The following SMU1 variants were observed in gnomAD, a reference collection of about 807,000 sequenced individuals.
The protein encoded by SMU1 is SMU1 DNA replication regulator and spliceosomal factor, also known as WD40 repeat-containing protein SMU1.
In SMU1, 2 loss-of-function variants were observed where a neutral mutation model predicts 62.0. The observed-to-expected ratio is 0.03, with a 90% CI of 0.01 to 0.10. The LOEUF (loss-of-function observed/expected upper bound fraction) is 0.10. SMU1 is among the 10% of genes least tolerant of loss of function. The pLI, the probability that SMU1 is intolerant of heterozygous loss-of-function variation, is 1.00. For missense variants in SMU1, 227 were observed against 622.1 expected, an observed-to-expected ratio of 0.36 and a Z score of 6.76; for synonymous variants, 188 against 212.4, an observed-to-expected ratio of 0.89 and a Z score of 1.00.
intron 10 of SMU1, among the ~76,000 whole-genome samples, chr9:33,049,764 CCA>C (rs61036431): frequency 1.2e-3 from 173 of 148,340 alleles, no homozygotes; most frequent in African/African-American, 2.8e-3. Context: ...GACCCCATTT[CCA>C]CACACACACA....
chr9:33,075,302 G>C lies in SMU1; in HGVS notation c.26+1281C>G, dbSNP rs560450748. ...TGAGGCAGGAGAATGGCGTGAACGT[G>C]GGAGGCGGTGCTTGCAGTGAGCGGA... On this transcript the variant is annotated intron_variant, in intron 1 of 11. Transcript: ENST00000397149. Among the ~76,000 whole-genome samples the C allele has an allele frequency of 8.3e-4, 127 of 152,298 alleles. 1 individual carries two copies. Among genetic ancestry groups the C allele is most frequent in the Non-Finnish European group, 1.6e-3 (106 of 68,010 alleles).
At position 33,047,426 on chromosome 9, in the gene SMU1, G is replaced by A. The variant is rs1296948746; in HGVS notation, c.1444-35C>T. On this transcript the variant is annotated intron_variant, in intron 11 of 11. Transcript: ENST00000397149. Reference sequence around the variant, plus strand: ...GTAAAGCACAGGGTTAGGATGTACAGATCTGCAATAAATCACTCTGATGAG... The same window carrying A: ...GTAAAGCACAGGGTTAGGATGTACAAATCTGCAATAAATCACTCTGATGAG... The A allele has an allele frequency of 3.2e-6, 5 of 1,567,436 alleles. No homozygotes were observed. The African/African-American group carries it at 5.4e-5, about 17-fold the overall frequency.
chr9:33,060,657 T>C, intron 5 of SMU1, 73 bp from the exon 6 acceptor site: 3 of 1,582,886 alleles, frequency 1.9e-6, no homozygotes, highest in Non-Finnish European at 2.6e-6. Flanking sequence ...TTTTAACCTT[T>C]TGAGAAACCC....
At chr9:33,049,808 C>T (rs1424751116) in intron 10 of SMU1, among the ~76,000 whole-genome samples, 2 of 141,158 alleles carry the variant, frequency 1.4e-5, no homozygotes, top group African/African-American at 2.6e-5. Flanking sequence ...CATGGTGGCA[C>T]GTGCCTGTAG....
At chr9:33,064,654 A>AT (rs1270502230) in intron 4 of SMU1, among the ~76,000 whole-genome samples, 2 of 152,148 alleles carry the variant, frequency 1.3e-5, no homozygotes, top group African/African-American at 4.8e-5. Flanking sequence ...GATGCAAATT[A>AT]TAGGTCTTTA....
chr9:33,076,333 C>A (rs1839545514), intron 1 of SMU1, among the ~76,000 whole-genome samples: 2 of 152,216 alleles, frequency 1.3e-5, no homozygotes, highest in Admixed American at 1.3e-4. Context: ...AAGGACAGAA[C>A]TTAGGTCTGC....
intron 4 of SMU1, among the ~76,000 whole-genome samples, chr9:33,065,129 T>A (rs982483170): frequency 2.6e-5 from 4 of 152,174 alleles, no homozygotes; most frequent in Non-Finnish European, 1.5e-5. Context: ...AATCTATAAT[T>A]TTAGCCAAAA....
intron 7 of SMU1, 86 bp downstream of exon 7, chr9:33,057,512 T>C: frequency 6.7e-7 from 1 of 1,490,210 alleles, no homozygotes; most frequent in Middle Eastern, 2.4e-4. Flanking sequence ...TAGCTATTAT[T>C]ATGCTGAATA....
At chr9:33,070,510 GATC>G (rs1377912148) in intron 3 of SMU1, among the ~76,000 whole-genome samples, 2 of 152,228 alleles carry the variant, frequency 1.3e-5, no homozygotes, top group African/African-American at 4.8e-5. Flanking sequence ...GGTACCATAT[GATC>G]CAGCAATCCC....
chr9:33,076,566 C>G lies in SMU1; in HGVS notation c.26+17G>C. 1 of 1,613,704 alleles carries G rather than the reference C, an allele frequency of 6.2e-7. No homozygotes were observed. Among genetic ancestry groups the G allele is most frequent in the Non-Finnish European group, 8.5e-7 (1 of 1,180,028 alleles). The stretch of plus-strand genomic sequence containing the variant: ...AGGCCCCCGGCAAGGCGCGAACATC[C>G]CCACCGCAGGACTCACTCCGAAGAT... On this transcript the variant is annotated intron_variant, in intron 1 of 11. Coordinates refer to ENST00000397149, the MANE Select transcript of SMU1 (RefSeq NM_018225.3).
chr9:33,073,954 T>C, intron 1 of SMU1, 148 bp from the exon 2 acceptor site: 1 of 693,876 alleles, frequency 1.4e-6, no homozygotes, highest in Non-Finnish European at 2.4e-6. Flanking sequence ...GAATCTAAAT[T>C]ATAAGGGGAC....
At chr9:33,061,156 TG>T (rs1839357444) in intron 5 of SMU1, among the ~76,000 whole-genome samples, 1 of 152,232 alleles carries the variant, frequency 6.6e-6, no homozygotes, top group Admixed American at 6.5e-5. Flanking sequence ...CATTTGCTAG[TG>T]AGGATGCTCC....
intron 10 of SMU1, among the ~76,000 whole-genome samples, chr9:33,049,890 A>T (rs1351394882): frequency 1.3e-5 from 2 of 152,168 alleles, no homozygotes; most frequent in African/African-American, 4.8e-5. Flanking sequence ...GTGAGCTATG[A>T]TCATGCCACT....
chr9:33,056,463 G>C (rs567805730), intron 8 of SMU1, among the ~76,000 whole-genome samples: 1 of 152,288 alleles, frequency 6.6e-6, no homozygotes, highest in African/African-American at 2.4e-5. Context: ...AATACCACAA[G>C]CTTCTGTTCA....
intron 6 of SMU1, among the ~76,000 whole-genome samples, chr9:33,060,173 T>A (rs941826132): frequency 1.3e-5 from 2 of 151,978 alleles, no homozygotes; most frequent in African/African-American, 4.8e-5. Context: ...CATGCATGGT[T>A]AATTTAAAAA....
Position 33,068,940 on chromosome 9 carries a change from A to G in SMU1, c.391-6T>C, listed in dbSNP as rs1405769869. The stretch of plus-strand genomic sequence containing the variant: ...CTACTTCCATCTGGGTATGCCTGAA[A>G]AAGGAGAGGGTGTAGCATCATTTCC... On this transcript the variant is annotated splice_polypyrimidine_tract_variant and splice_region_variant and intron_variant, in intron 3 of 11. Coordinates refer to ENST00000397149, the MANE Select transcript of SMU1 (RefSeq NM_018225.3). 2 of 1,613,964 alleles carry G rather than the reference A, an allele frequency of 1.2e-6. No homozygotes were observed. The highest frequency in any genetic ancestry group is 3.3e-5 in the Admixed American group (2 of 59,990).
chr9:33,061,640 C>T (rs1839363163), intron 5 of SMU1, among the ~76,000 whole-genome samples: 1 of 152,168 alleles, frequency 6.6e-6, no homozygotes, highest in Non-Finnish European at 1.5e-5. Flanking sequence ...TTTCCTCAAA[C>T]ATCACATAAG....
At chr9:33,059,853 C>T (rs541794990) in intron 6 of SMU1, among the ~76,000 whole-genome samples, 62 of 151,822 alleles carry the variant, frequency 4.1e-4, no homozygotes, top group Middle Eastern at 3.4e-3. Flanking sequence ...CTCAGGTGAT[C>T]CACCCGCCTC....
chr9:33,071,724 A>G lies in SMU1; in HGVS notation c.390+16T>C, dbSNP rs1271524465. The G allele has an allele frequency of 6.3e-7, 1 of 1,585,364 alleles. No individual in the cohort carries two copies. The highest frequency in any genetic ancestry group is 1.2e-5 in the South Asian group (1 of 84,982). ...CAAAGTTAACAAAAAGTTCCTTTTC[A>G]TTACCACAGTCATACCTCACGAGGA... On this transcript the variant is annotated intron_variant, in intron 3 of 11. Transcript: ENST00000397149.
Sources: gnomAD v4.1 joint callset for allele counts (sites outside exome capture counted in the v4.1 genomes callset) on GRCh38, gnomAD v4.1.1 for gene constraint, MANE v1.5 for transcripts, NCBI Gene and HGNC (gene_info 2026-07-23, HGNC 2026-07-21) for gene names.